Variants in ASIC2 observed in about 807,000 individuals in gnomAD.
ASIC2 encodes the protein acid sensing ion channel subunit 2.
Under a neutral mutation model 57.3 loss-of-function variants are expected in ASIC2, and 25 were observed. That is an observed-to-expected ratio of 0.44 (90% CI 0.32 to 0.61). The LOEUF (loss-of-function observed/expected upper bound fraction) is 0.61. Ranked by LOEUF, ASIC2 falls within the 20% of genes least tolerant of loss-of-function variation. The probability of loss-of-function intolerance (pLI) is 0.06; values close to 1 mark genes in which losing one functional copy is unlikely to be tolerated. For missense variants in ASIC2, 641 were observed against 738.1 expected, an observed-to-expected ratio of 0.87 and a Z score of 1.52; for synonymous variants, 319 against 307.5, an observed-to-expected ratio of 1.04 and a Z score of -0.39.
chr17:33,448,695 G>C (rs1376488998), intron 1 of ASIC2, among the ~76,000 whole-genome samples: 1 of 152,238 alleles, frequency 6.6e-6, no homozygotes, highest in African/African-American at 2.4e-5. Context: ...ACAGGCTTCA[G>C]ACTTCTGGCC....
chr17:33,629,252 T>C (rs975716590), intron 1 of ASIC2, among the ~76,000 whole-genome samples: 1 of 137,532 alleles, frequency 7.3e-6, no homozygotes, highest in Non-Finnish European at 1.6e-5. Flanking sequence ...CTTCCACTTT[T>C]CAGTTTGGTT....
intron 1 of ASIC2, among the ~76,000 whole-genome samples, chr17:33,458,072 C>A (rs116745100): frequency 0.015 from 2,237 of 151,488 alleles, 58 homozygotes; most frequent in African/African-American, 0.051. Context: ...ATAGCTGAGG[C>A]GTCTTTGGGG....
chr17:33,943,545 A>G (rs58241420), intron 1 of ASIC2, among the ~76,000 whole-genome samples: 16,977 of 152,206 alleles, frequency 0.11, 1,106 homozygotes, highest in South Asian at 0.22. Context: ...TTGAGGCTGC[A>G]GACCCTAGAA....
At chr17:33,414,293 C>A (rs1476882941) in intron 1 of ASIC2, among the ~76,000 whole-genome samples, 1 of 152,056 alleles carries the variant, frequency 6.6e-6, no homozygotes, top group Non-Finnish European at 1.5e-5. Flanking sequence ...CTGGAGGGAG[C>A]AGTGCAGAGA....
At chr17:33,211,871 A>G (rs961273903) in intron 1 of ASIC2, among the ~76,000 whole-genome samples, 2 of 152,152 alleles carry the variant, frequency 1.3e-5, no homozygotes, top group Non-Finnish European at 2.9e-5. Flanking sequence ...GGGTTCCAGG[A>G]TCCCCCTAGT....
intron 1 of ASIC2, among the ~76,000 whole-genome samples, chr17:33,631,871 A>G (rs1242585208): frequency 1.3e-5 from 2 of 152,196 alleles, no homozygotes; most frequent in African/African-American, 4.8e-5. Context: ...ATTTGATAAG[A>G]AAGATAAGAG....
At chr17:33,362,708 G>C (rs1375502327) in intron 1 of ASIC2, among the ~76,000 whole-genome samples, 5 of 152,096 alleles carry the variant, frequency 3.3e-5, no homozygotes, top group Non-Finnish European at 7.4e-5. Flanking sequence ...CCTCTCCAGG[G>C]CAGGGACCTT....
chr17:33,133,930 G>A (rs1281688441), intron 1 of ASIC2, among the ~76,000 whole-genome samples: 1 of 152,226 alleles, frequency 6.6e-6, no homozygotes, highest in Non-Finnish European at 1.5e-5. Context: ...ACAAAAGACA[G>A]TCTGGGAATT....
At chr17:33,572,929 C>T (rs1488308108) in intron 1 of ASIC2, among the ~76,000 whole-genome samples, 2 of 152,236 alleles carry the variant, frequency 1.3e-5, no homozygotes, top group Non-Finnish European at 2.9e-5. Flanking sequence ...ACCTCATCTC[C>T]TCTGTCCTCA....
At chr17:33,608,171 C>T (rs1456654743) in intron 1 of ASIC2, among the ~76,000 whole-genome samples, 4 of 152,130 alleles carry the variant, frequency 2.6e-5, no homozygotes, top group African/African-American at 7.2e-5. Flanking sequence ...ATGAGAATGG[C>T]GTTACATAGG....
chr17:34,018,209 T>C (rs1057086765), intron 1 of ASIC2, among the ~76,000 whole-genome samples: 4 of 152,222 alleles, frequency 2.6e-5, no homozygotes, highest in Admixed American at 2.0e-4. Flanking sequence ...ATACTAAATC[T>C]ACACTGTCTG....
At chr17:34,138,402 A>C (rs1325061186) in intron 1 of ASIC2, among the ~76,000 whole-genome samples, 1 of 152,068 alleles carries the variant, frequency 6.6e-6, no homozygotes, top group Non-Finnish European at 1.5e-5. Flanking sequence ...CACCTCTCCC[A>C]CTCCCACTGA....
chr17:33,954,641 C>T (rs1162954208), intron 1 of ASIC2, among the ~76,000 whole-genome samples: 2 of 152,218 alleles, frequency 1.3e-5, no homozygotes, highest in Non-Finnish European at 2.9e-5. Flanking sequence ...GCTGACTGTT[C>T]ATCCCCAAGG....
chr17:33,417,085 CT>C (rs1253760062), intron 1 of ASIC2, among the ~76,000 whole-genome samples: 2 of 152,166 alleles, frequency 1.3e-5, no homozygotes, highest in Non-Finnish European at 2.9e-5. Flanking sequence ...AAAAGCAGCT[CT>C]TTACTGAGGC....
chr17:33,908,846 T>C (rs371631), intron 1 of ASIC2, among the ~76,000 whole-genome samples: 135,731 of 152,258 alleles, frequency 0.89, 60,703 homozygotes, highest in African/African-American at 0.96. Context: ...GAGCTAAACC[T>C]CTAGTAGGTC....
At chr17:33,776,450 A>T (rs1053243695) in intron 1 of ASIC2, among the ~76,000 whole-genome samples, 1 of 152,194 alleles carries the variant, frequency 6.6e-6, no homozygotes, top group East Asian at 1.9e-4. Flanking sequence ...GTTGTTTATA[A>T]GCCACCAGTC....
chr17:33,399,407 C>T (rs771907559), intron 1 of ASIC2, among the ~76,000 whole-genome samples: 1 of 152,170 alleles, frequency 6.6e-6, no homozygotes, highest in African/African-American at 2.4e-5. Context: ...AGGGCTTGTC[C>T]TTGCAATTCC....
At chr17:34,022,209 A>G (rs1372552271) in intron 1 of ASIC2, among the ~76,000 whole-genome samples, 28 of 152,160 alleles carry the variant, frequency 1.8e-4, no homozygotes, top group Admixed American at 1.8e-3. Context: ...ACCTCTGGTC[A>G]GTTTCTGCTG....
At chr17:33,306,141 G>A (rs1011309921) in intron 1 of ASIC2, among the ~76,000 whole-genome samples, 9 of 152,044 alleles carry the variant, frequency 5.9e-5, no homozygotes, top group Non-Finnish European at 1.0e-4. Context: ...AGGAATAAAC[G>A]ATAAAAGAGA....
Sources: gnomAD v4.1 joint callset for allele counts (sites outside exome capture counted in the v4.1 genomes callset) on GRCh38, gnomAD v4.1.1 for gene constraint, MANE v1.5 for transcripts, NCBI Gene and HGNC (gene_info 2026-07-23, HGNC 2026-07-21) for gene names.